The following ASTN2 variants were observed in gnomAD, a reference collection of about 807,000 sequenced individuals.
ASTN2 encodes the protein astrotactin 2.
In ASTN2, 54 loss-of-function variants were observed where a neutral mutation model predicts 139.8. The ratio of observed to expected loss-of-function variants is 0.39; its 90% CI spans 0.31 to 0.48. ASTN2 has a LOEUF of 0.48. Among genes scored for constraint, ASTN2 ranks in the 20% least tolerant of loss-of-function variants. The probability of loss-of-function intolerance (pLI) is 0.95; values close to 1 mark genes in which losing one functional copy is unlikely to be tolerated. For synonymous variants in ASTN2, 756 were observed against 719.5 expected, an observed-to-expected ratio of 1.05 and a Z score of -0.81; for missense variants, 1,565 against 1,725.1, an observed-to-expected ratio of 0.91 and a Z score of 1.64.
At chr9:117,058,929 C>A (rs1422769725) in intron 5 of ASTN2, among the ~76,000 whole-genome samples, 1 of 152,098 alleles carries the variant, frequency 6.6e-6, no homozygotes. Flanking sequence ...TGAGATGGGG[C>A]TGGAGAGGTA....
intron 2 of ASTN2, among the ~76,000 whole-genome samples, chr9:117,250,727 G>T (rs922757457): frequency 6.6e-6 from 1 of 152,134 alleles, no homozygotes; most frequent in African/African-American, 2.4e-5. Flanking sequence ...AAAGTCCAAG[G>T]TCTCATGAGA....
chr9:116,767,432 G>A (rs1328705958), intron 13 of ASTN2, among the ~76,000 whole-genome samples: 3 of 152,138 alleles, frequency 2.0e-5, no homozygotes, highest in Admixed American at 6.5e-5. Flanking sequence ...GACACATTCC[G>A]CTGAACTCAG....
At chr9:116,523,782 GA>G (rs1006744296) in intron 19 of ASTN2, among the ~76,000 whole-genome samples, 1 of 152,088 alleles carries the variant, frequency 6.6e-6, no homozygotes, top group Admixed American at 6.6e-5. Context: ...TTATTTTCTA[GA>G]GTCACAATTT....
intron 20 of ASTN2, among the ~76,000 whole-genome samples, chr9:116,448,045 C>T (rs1316029929): frequency 3.3e-5 from 5 of 152,308 alleles, no homozygotes; most frequent in Admixed American, 1.3e-4. Context: ...TAGAGGCCCA[C>T]GTCAGGCCTG....
intron 3 of ASTN2, among the ~76,000 whole-genome samples, chr9:117,210,713 T>C (rs573811999): frequency 6.6e-6 from 1 of 152,084 alleles, no homozygotes; most frequent in Non-Finnish European, 1.5e-5. Flanking sequence ...CTACAAGACA[T>C]GCATCACCCT....
intron 22 of ASTN2, among the ~76,000 whole-genome samples, chr9:116,432,292 T>C (rs554287356): frequency 6.6e-6 from 1 of 152,208 alleles, no homozygotes; most frequent in African/African-American, 2.4e-5. Context: ...TGTTTTCCCA[T>C]TTGCTGCTGA....
chr9:116,506,525 A>G (rs1186207642), intron 19 of ASTN2, among the ~76,000 whole-genome samples: 1 of 152,150 alleles, frequency 6.6e-6, no homozygotes, highest in Admixed American at 6.5e-5. Context: ...CTCCACCCAG[A>G]CATAGGCCTT....
In ASTN2 at chr9:116,743,551, G is replaced by A. The variant is rs550315760; in HGVS notation, c.2397-10028C>T. Among the ~76,000 whole-genome samples the A allele has an allele frequency of 6.6e-5, 10 of 152,188 alleles. No homozygotes were observed. In the South Asian group the frequency reaches 1.0e-3, roughly 16 times the overall value. ...CAGTGAGACGGGATCTCACTCTGTC[G>A]CCCAGGCTGGAGTGCACTGGTGTGA... On this transcript the variant is annotated intron_variant, in intron 13 of 22. Transcript: ENST00000313400.
chr9:116,746,247 C>T (rs1360893812), intron 13 of ASTN2, among the ~76,000 whole-genome samples: 4 of 151,940 alleles, frequency 2.6e-5, no homozygotes, highest in South Asian at 2.1e-4. Flanking sequence ...TCACCATGCC[C>T]GGCTAATGTT....
intron 2 of ASTN2, among the ~76,000 whole-genome samples, chr9:117,267,393 G>A (rs1833961256): frequency 1.3e-5 from 2 of 152,132 alleles, no homozygotes; most frequent in Non-Finnish European, 2.9e-5. Context: ...GGGATCACTT[G>A]GTTTAATCTC....
chr9:117,061,416 T>C (rs934540836), intron 5 of ASTN2, among the ~76,000 whole-genome samples: 1 of 152,192 alleles, frequency 6.6e-6, no homozygotes, highest in Non-Finnish European at 1.5e-5. Context: ...CCATTTTTTT[T>C]AATGGAAAGA....
chr9:116,462,063 T>C (rs1305116583), intron 20 of ASTN2, among the ~76,000 whole-genome samples: 1 of 152,194 alleles, frequency 6.6e-6, no homozygotes, highest in Non-Finnish European at 1.5e-5. Flanking sequence ...TGGTTTGGCA[T>C]GATTTGCCCA....
At chr9:117,143,281 G>C (rs1830117405) in intron 3 of ASTN2, among the ~76,000 whole-genome samples, 1 of 152,192 alleles carries the variant, frequency 6.6e-6, no homozygotes. Context: ...AAACCAAGAA[G>C]ATTCCAGACA....
At chr9:116,453,654 C>G (rs1255295766) in intron 20 of ASTN2, among the ~76,000 whole-genome samples, 1 of 142,960 alleles carries the variant, frequency 7.0e-6, no homozygotes, top group Non-Finnish European at 1.5e-5. Flanking sequence ...CAGAACAGTG[C>G]TTGGTACAAT....
chr9:116,483,162 C>CA (rs1291242247), intron 20 of ASTN2, among the ~76,000 whole-genome samples: 1 of 152,224 alleles, frequency 6.6e-6, no homozygotes, highest in African/African-American at 2.4e-5. Flanking sequence ...ACAACCCACC[C>CA]ACGGCAGCAG....
chr9:116,539,601 AG>A (rs1851795942), intron 19 of ASTN2, among the ~76,000 whole-genome samples: 1 of 152,180 alleles, frequency 6.6e-6, no homozygotes, highest in African/African-American at 2.4e-5. Flanking sequence ...TTAAGACCCC[AG>A]TGGACGTCTG....
intron 13 of ASTN2, among the ~76,000 whole-genome samples, chr9:116,754,786 G>A (rs997223384): frequency 5.3e-5 from 8 of 152,116 alleles, no homozygotes; most frequent in African/African-American, 9.7e-5. Flanking sequence ...TGGAATCCTC[G>A]CAACCACATA....
intron 5 of ASTN2, among the ~76,000 whole-genome samples, chr9:117,053,753 ATT>A (rs1838979167): frequency 2.0e-5 from 3 of 152,200 alleles, no homozygotes; most frequent in African/African-American, 7.2e-5. Context: ...AAAGAAAAGA[ATT>A]GGGGCCTTGC....
intron 10 of ASTN2, among the ~76,000 whole-genome samples, chr9:116,938,159 C>G (rs1835128047): frequency 6.6e-6 from 1 of 152,220 alleles, no homozygotes; most frequent in African/African-American, 2.4e-5. Flanking sequence ...TTACTTCACC[C>G]TCTCCTGTAC....
Sources: allele counts gnomAD v4.1 joint callset (sites outside exome capture counted in the v4.1 genomes callset), GRCh38; gene constraint gnomAD v4.1.1; transcripts MANE v1.5; gene names NCBI Gene and HGNC (gene_info 2026-07-23, HGNC 2026-07-21).